Variants in EXOC6B observed in about 807,000 individuals in gnomAD.
EXOC6B encodes SEC15 homolog B.
EXOC6B carries 54 observed loss-of-function variants against 113.5 expected under a neutral mutation model. The observed-to-expected ratio is 0.48, with a 90% CI of 0.38 to 0.60. The LOEUF is 0.60. Ranked by LOEUF, EXOC6B falls within the 20% of genes least tolerant of loss-of-function variation. The pLI is 0.00. For synonymous variants in EXOC6B, 357 were observed against 339.0 expected, an observed-to-expected ratio of 1.05 and a Z score of -0.58; for missense variants, 797 against 977.5, an observed-to-expected ratio of 0.82 and a Z score of 2.46.
At chr2:72,682,254 C>T (rs897992932) in intron 6 of EXOC6B, among the ~76,000 whole-genome samples, 1 of 152,120 alleles carries the variant, frequency 6.6e-6, no homozygotes, top group Non-Finnish European at 1.5e-5. Flanking sequence ...TGGCTCCAAC[C>T]ATTTCCTCAT....
chr2:72,482,016 G>A (rs1014714784), intron 16 of EXOC6B, among the ~76,000 whole-genome samples: 1 of 152,174 alleles, frequency 6.6e-6, no homozygotes, highest in Admixed American at 6.5e-5. Context: ...AAATGAAAAT[G>A]AAGTGATTTT....
chr2:72,799,239 CAAAAAAA>C (rs956224881), intron 1 of EXOC6B, among the ~76,000 whole-genome samples: 1 of 41,336 alleles, frequency 2.4e-5, no homozygotes, highest in Non-Finnish European at 4.3e-5. Context: ...GACCCTGTCT[CAAAAAAA>C]AAAAAAAAAA....
chr2:72,691,948 T>C (rs1677514236), intron 6 of EXOC6B, among the ~76,000 whole-genome samples: 1 of 152,038 alleles, frequency 6.6e-6, no homozygotes. Flanking sequence ...CCTCCCAAAG[T>C]GCTGGGATTA....
In EXOC6B at chr2:72,636,377, G is replaced by GAAGC. The variant is rs1553457156; in HGVS notation, c.670-60713_670-60710dup. Reference sequence around the variant, plus strand: ...GGAAGGAAGGAAGGAAGGAAGCAAGGAAGCAAGGAAGGGAGGGAAGATGAA... The same window carrying GAAGC: ...GGAAGGAAGGAAGGAAGGAAGCAAGGAAGCAAGCAAGGAAGGGAGGGAAGATGAA... On this transcript the variant is annotated intron_variant, in intron 6 of 21. Transcript: ENST00000272427. 1.3e-3 allele frequency among the ~76,000 whole-genome samples: 183 copies of GAAGC among 146,220 alleles called. 1 individual carries two copies. The highest frequency in any genetic ancestry group is 4.3e-3 in the African/African-American group (167 of 38,454).
chr2:72,396,325 T>A (rs911982372), intron 18 of EXOC6B, among the ~76,000 whole-genome samples: 1 of 152,128 alleles, frequency 6.6e-6, no homozygotes, highest in African/African-American at 2.4e-5. Flanking sequence ...AGAGGAAACC[T>A]GAAAGACTGC....
intron 20 of EXOC6B, among the ~76,000 whole-genome samples, chr2:72,328,933 A>C (rs1157579636): frequency 6.6e-6 from 1 of 152,038 alleles, no homozygotes; most frequent in African/African-American, 2.4e-5. Flanking sequence ...ATGAGTTATC[A>C]AGTTATTTGA....
At position 72,382,224 on chromosome 2, in the gene EXOC6B, G is replaced by A. The variant is rs558804119; in HGVS notation, c.1981-2354C>T. ...AAAGAAAAACAGGGTTCAACATAAT[G>A]GTCTGGCTATGCCAACTGTGAACTT... On this transcript the variant is annotated intron_variant, in intron 18 of 21. Coordinates refer to ENST00000272427, the MANE Select transcript of EXOC6B (RefSeq NM_015189.3). Among the ~76,000 whole-genome samples the A allele has an allele frequency of 5.3e-5, 8 of 152,286 alleles. 1 individual carries two copies. The highest frequency in any genetic ancestry group is 1.9e-4 in the African/African-American group (8 of 41,560).
chr2:72,665,630 T>C (rs1039879727), intron 6 of EXOC6B, among the ~76,000 whole-genome samples: 2 of 152,110 alleles, frequency 1.3e-5, no homozygotes, highest in East Asian at 3.9e-4. Context: ...TAAAATCCTT[T>C]TCAGACAAGC....
At chr2:72,787,355 G>A (rs1352005913) in intron 1 of EXOC6B, among the ~76,000 whole-genome samples, 1 of 151,760 alleles carries the variant, frequency 6.6e-6, no homozygotes, top group African/African-American at 2.4e-5. Flanking sequence ...GAGATTATAA[G>A]CATGTGCCAC....
intron 6 of EXOC6B, among the ~76,000 whole-genome samples, chr2:72,600,354 T>C (rs1239942278): frequency 6.7e-6 from 1 of 149,614 alleles, no homozygotes; most frequent in Non-Finnish European, 1.5e-5. Context: ...AGGTGGGCGT[T>C]TCCCTTGAGC....
intron 6 of EXOC6B, among the ~76,000 whole-genome samples, chr2:72,630,359 C>A (rs1188433415): frequency 6.6e-6 from 1 of 152,138 alleles, no homozygotes; most frequent in African/African-American, 2.4e-5. Context: ...TTGTCAATAT[C>A]TCTTAAAAAA....
At chr2:72,821,473 A>G (rs1686578776) in intron 1 of EXOC6B, among the ~76,000 whole-genome samples, 1 of 152,118 alleles carries the variant, frequency 6.6e-6, no homozygotes, top group Non-Finnish European at 1.5e-5. Flanking sequence ...TCCTAGGTAC[A>G]TACTCAACAA....
chr2:72,664,584 T>C (rs905200572), intron 6 of EXOC6B, among the ~76,000 whole-genome samples: 7 of 152,188 alleles, frequency 4.6e-5, no homozygotes, highest in African/African-American at 1.7e-4. Context: ...ACAGAGCAGC[T>C]GCAGCAAAAT....
At chr2:72,741,548 AT>A in intron 1 of EXOC6B, 79 bp from the exon 2 acceptor site, 1 of 1,322,054 alleles carries the variant, frequency 7.6e-7, no homozygotes, top group Non-Finnish European at 1.0e-6. Flanking sequence ...CCAGAAGCAA[AT>A]TTAGGGCACA....
intron 1 of EXOC6B, among the ~76,000 whole-genome samples, chr2:72,774,637 T>C (rs1248595585): frequency 2.0e-5 from 3 of 152,246 alleles, no homozygotes; most frequent in East Asian, 1.9e-4. Flanking sequence ...ACAGGAGTTT[T>C]ATTCATAATA....
chr2:72,555,939 C>T (rs1300128950), intron 8 of EXOC6B, among the ~76,000 whole-genome samples: 2 of 152,192 alleles, frequency 1.3e-5, no homozygotes, highest in East Asian at 1.9e-4. Flanking sequence ...AGCCACTGCA[C>T]CCGGCCTCAG....
intron 20 of EXOC6B, among the ~76,000 whole-genome samples, chr2:72,274,432 T>TA (rs1459789293): frequency 5.3e-5 from 8 of 152,152 alleles, no homozygotes; most frequent in South Asian, 4.1e-4. Context: ...TGTCGAACCT[T>TA]AATCACCAAC....
intron 6 of EXOC6B, among the ~76,000 whole-genome samples, chr2:72,587,738 C>T (rs1330354740): frequency 6.6e-6 from 1 of 151,636 alleles, no homozygotes; most frequent in Non-Finnish European, 1.5e-5. Flanking sequence ...AAAAAGGCAG[C>T]CTAGAAAGTG....
intron 6 of EXOC6B, among the ~76,000 whole-genome samples, chr2:72,619,569 C>A (rs940085218): frequency 4.6e-5 from 7 of 152,138 alleles, no homozygotes; most frequent in African/African-American, 1.7e-4. Flanking sequence ...ACCAAGAAGA[C>A]AGACCAAAGT....
Sources: gnomAD v4.1 joint callset for allele counts (sites outside exome capture counted in the v4.1 genomes callset) on GRCh38, gnomAD v4.1.1 for gene constraint, MANE v1.5 for transcripts, NCBI Gene and HGNC (gene_info 2026-07-23, HGNC 2026-07-21) for gene names.